Variants in ARHGEF38 observed in about 807,000 individuals in gnomAD.
ARHGEF38 encodes Rho guanine nucleotide exchange factor (GEF) 38.
In ARHGEF38, 79 loss-of-function variants were observed where a neutral mutation model predicts 79.9. The observed-to-expected ratio is 0.99, with a 90% CI of 0.82 to 1.19. The LOEUF (loss-of-function observed/expected upper bound fraction) is 1.19. Ranked by LOEUF, ARHGEF38 falls within the 50% of genes most tolerant of loss-of-function variation. The pLI, the probability that ARHGEF38 is intolerant of heterozygous loss-of-function variation, is 0.00. For synonymous variants in ARHGEF38, 366 were observed against 328.3 expected (o/e 1.11, Z -1.24); for missense variants, 962 against 907.2 (o/e 1.06, Z -0.78).
At chr4:105,626,757 G>A (rs139793184) in intron 3 of ARHGEF38, among the ~76,000 whole-genome samples, 6 of 151,574 alleles carry the variant, frequency 4.0e-5, no homozygotes, top group East Asian at 3.9e-4. Flanking sequence ...AAAATCCATC[G>A]GTGCTTCACC....
Position 105,660,508 on chromosome 4 carries a change from C to T in ARHGEF38, c.1545+1143C>T, listed in dbSNP as rs138606207. On this transcript the variant is annotated intron_variant, in intron 10 of 13. Coordinates refer to ENST00000420470, the MANE Select transcript of ARHGEF38 (RefSeq NM_001242729.2). ...AGGTTGGAGTGCAAAGGCCCAATCT[C>T]GGCTCACTGCAACCTCCACCTTCCG... Among the ~76,000 whole-genome samples, 366 of 151,074 alleles carry T rather than the reference C, an allele frequency of 2.4e-3. 2 individuals are homozygous for T. Among genetic ancestry groups the T allele is most frequent in the African/African-American group, 8.6e-3 (354 of 41,128 alleles).
intron 2 of ARHGEF38, among the ~76,000 whole-genome samples, chr4:105,605,959 C>T (rs1373890087): frequency 6.6e-6 from 1 of 152,136 alleles, no homozygotes; most frequent in African/African-American, 2.4e-5. Context: ...CTTTCTTCCA[C>T]TTCCACCTTA....
intron 5 of ARHGEF38, among the ~76,000 whole-genome samples, chr4:105,643,872 CT>C (rs5860804): frequency 0.18 from 17,901 of 97,972 alleles, 1,276 homozygotes; most frequent in African/African-American, 0.41. Context: ...TGCCTTCCTA[CT>C]TTTTTTTTTT....
intron 1 of ARHGEF38, among the ~76,000 whole-genome samples, chr4:105,559,774 T>C (rs559371103): frequency 2.0e-5 from 3 of 152,184 alleles, no homozygotes; most frequent in East Asian, 3.9e-4. Flanking sequence ...CTGTAATCTA[T>C]TTCAGGATAT....
Position 105,659,276 on chromosome 4 carries a change from A to G in ARHGEF38, c.1456A>G (p.Lys486Glu). The G allele has an allele frequency of 2.6e-6, 4 of 1,536,066 alleles. No individual in the cohort carries two copies. Among genetic ancestry groups the G allele is most frequent in the Non-Finnish European group, 3.5e-6 (4 of 1,146,870 alleles). Reference protein sequence around the residue: ...ELQAFNQAARKILLNCLCSFI... With the variant: ...ELQAFNQAAREILLNCLCSFI... ...CCAGGCATTCAACCAGGCTGCTCGG[A>G]AGATTCTGTTGAACTGTCTATGCAG... The change falls in exon 10 of 14, where the codon AAG (lysine) becomes GAG (glutamate). Residue 486 changes from lysine to glutamate, a missense_variant. Lys to Glu is a moderately conservative substitution (Grantham distance 56). Transcript: ENST00000420470.
At position 105,659,886 on chromosome 4, in the gene ARHGEF38, T is replaced by TGTGTGTGTGC. The variant is rs35842406; in HGVS notation, c.1545+523_1545+524insGTGTGTGCGT. Among the ~76,000 whole-genome samples the TGTGTGTGTGC allele has an allele frequency of 8.1e-3, 1,215 of 150,620 alleles. 14 individuals carry two copies. The highest frequency in any genetic ancestry group is 0.025 in the African/African-American group (1,021 of 40,408). On this transcript the variant is annotated intron_variant, in intron 10 of 13. Coordinates refer to ENST00000420470, the MANE Select transcript of ARHGEF38 (RefSeq NM_001242729.2). ...GTGTGTGTGTGTGTGTGTGTGTGTG[T>TGTGTGTGTGC]GTAGCTTCGCCTCCCATTAGGATAT...
intron 10 of ARHGEF38, 83 bp from the exon 11 acceptor site, chr4:105,666,094 T>C (rs1489671795): frequency 1.6e-6 from 2 of 1,265,098 alleles, no homozygotes; most frequent in African/African-American, 1.5e-5. Context: ...CCTCCTCAAC[T>C]GTTCATCACA....
At chr4:105,668,097 G>A (rs1307529695) in intron 13 of ARHGEF38, among the ~76,000 whole-genome samples, 2 of 152,032 alleles carry the variant, frequency 1.3e-5, no homozygotes, top group African/African-American at 4.8e-5. Context: ...ATTCCTCTAA[G>A]AGCATAATCT....
chr4:105,623,709 C>A (rs551166127), intron 3 of ARHGEF38, among the ~76,000 whole-genome samples: 57 of 152,194 alleles, frequency 3.7e-4, no homozygotes, highest in Non-Finnish European at 2.2e-4. Context: ...ATTTCAAGAG[C>A]ATCTATTCCA....
intron 13 of ARHGEF38, among the ~76,000 whole-genome samples, chr4:105,672,352 TA>T (rs1003927080): frequency 6.6e-6 from 1 of 152,206 alleles, no homozygotes; most frequent in African/African-American, 2.4e-5. Flanking sequence ...GAGAGACTGC[TA>T]CAAAAAAGTT....
chr4:105,639,647 G>A (rs1211169433), intron 5 of ARHGEF38, among the ~76,000 whole-genome samples: 2 of 151,752 alleles, frequency 1.3e-5, no homozygotes, highest in Admixed American at 6.6e-5. Context: ...TTTTCCCACT[G>A]AATAGGATTG....
At chr4:105,643,259 G>A (rs1015719434) in intron 5 of ARHGEF38, among the ~76,000 whole-genome samples, 1 of 151,204 alleles carries the variant, frequency 6.6e-6, no homozygotes. Context: ...CCCTCTTTCC[G>A]AGTCTCTCTT....
intron 6 of ARHGEF38, among the ~76,000 whole-genome samples, chr4:105,645,993 T>A (rs1313826988): frequency 6.6e-6 from 1 of 152,360 alleles, no homozygotes; most frequent in East Asian, 1.9e-4. Flanking sequence ...ATGGTTCCTA[T>A]ACATCCCAGA....
intron 7 of ARHGEF38, among the ~76,000 whole-genome samples, chr4:105,653,133 C>A (rs552631936): frequency 6.6e-6 from 1 of 152,214 alleles, no homozygotes; most frequent in South Asian, 2.1e-4. Context: ...TAAATGTGTG[C>A]TCCTAGAAAT....
intron 9 of ARHGEF38, among the ~76,000 whole-genome samples, chr4:105,657,912 T>G (rs1385220516): frequency 6.6e-6 from 1 of 152,182 alleles, no homozygotes; most frequent in East Asian, 1.9e-4. Flanking sequence ...GCTTTCGGGT[T>G]ACAAAAGAGA....
At chr4:105,565,185 A>G (rs1725827039) in intron 1 of ARHGEF38, among the ~76,000 whole-genome samples, 2 of 152,192 alleles carry the variant, frequency 1.3e-5, no homozygotes. Context: ...TCCAATGAAG[A>G]TAAAATATTC....
chr4:105,561,237 AC>A (rs1164183906), intron 1 of ARHGEF38, among the ~76,000 whole-genome samples: 1 of 151,772 alleles, frequency 6.6e-6, no homozygotes, highest in Non-Finnish European at 1.5e-5. Flanking sequence ...AGAAAACAAA[AC>A]AAAACAAAAC....
chr4:105,560,005 G>A (rs1325533531), intron 1 of ARHGEF38, among the ~76,000 whole-genome samples: 1 of 152,038 alleles, frequency 6.6e-6, no homozygotes. Context: ...TGAAATATTT[G>A]CAAAATGGAA....
intron 1 of ARHGEF38, among the ~76,000 whole-genome samples, chr4:105,568,317 A>G (rs1019781960): frequency 6.6e-6 from 1 of 151,452 alleles, no homozygotes; most frequent in African/African-American, 2.4e-5. Context: ...TTAGAATGGC[A>G]ATCATTAAAA....
Sources: gnomAD v4.1 joint callset for allele counts (sites outside exome capture counted in the v4.1 genomes callset) on GRCh38, gnomAD v4.1.1 for gene constraint, MANE v1.5 for transcripts, NCBI Gene and HGNC (gene_info 2026-07-23, HGNC 2026-07-21) for gene names.